The following CDH17 variants were observed in gnomAD, a reference collection of about 807,000 sequenced individuals.
CDH17 encodes cadherin-17.
CDH17 carries 67 observed loss-of-function variants against 86.3 expected under a neutral mutation model. That is an observed-to-expected ratio of 0.78 (90% CI 0.64 to 0.95). The LOEUF (loss-of-function observed/expected upper bound fraction) is 0.95, where lower values mean the gene tolerates loss of function less well. CDH17 is among the 40% of genes least tolerant of loss of function. The pLI, the probability that CDH17 is intolerant of heterozygous loss-of-function variation, is 0.00. For synonymous variants in CDH17, 367 were observed against 366.4 expected, an observed-to-expected ratio of 1.00 and a Z score of -0.02; for missense variants, 993 against 1,017.6, an observed-to-expected ratio of 0.98 and a Z score of 0.33.
chr8:94,158,880 A>T (rs927874271), intron 12 of CDH17, among the ~76,000 whole-genome samples: 18 of 152,158 alleles, frequency 1.2e-4, no homozygotes, highest in African/African-American at 4.1e-4. Context: ...CTGTGAAATT[A>T]TTCTATTTTG....
intron 1 of CDH17, chr8:94,202,413 C>T (rs1314006885): frequency 1.3e-5 from 2 of 152,788 alleles, no homozygotes; most frequent in Non-Finnish European, 1.5e-5. Context: ...TCAAGTGATC[C>T]ACCCACCTTG....
intron 15 of CDH17, among the ~76,000 whole-genome samples, chr8:94,143,768 T>C (rs747328891): frequency 6.6e-6 from 1 of 152,244 alleles, no homozygotes; most frequent in Non-Finnish European, 1.5e-5. Flanking sequence ...TGCAGTTTCC[T>C]CACCTCTGTC....
chr8:94,179,508 G>A (rs937456889), intron 3 of CDH17, among the ~76,000 whole-genome samples: 1 of 152,210 alleles, frequency 6.6e-6, no homozygotes, highest in African/African-American at 2.4e-5. Flanking sequence ...ATCATGAGCA[G>A]GGCTGTGTGC....
chr8:94,196,550 A>C (rs911314035), intron 1 of CDH17, among the ~76,000 whole-genome samples: 2 of 152,232 alleles, frequency 1.3e-5, no homozygotes, highest in African/African-American at 4.8e-5. Flanking sequence ...TACTAAAAAC[A>C]CAAAAATTAG....
chr8:94,188,396 G>A (rs1041401813), intron 3 of CDH17, among the ~76,000 whole-genome samples: 1 of 152,098 alleles, frequency 6.6e-6, no homozygotes, highest in Non-Finnish European at 1.5e-5. Flanking sequence ...TTAATGGAAG[G>A]CACTTGCCTT....
chr8:94,153,487 C>T (rs776120205), intron 12 of CDH17, among the ~76,000 whole-genome samples: 18 of 152,120 alleles, frequency 1.2e-4, no homozygotes, highest in South Asian at 4.1e-4. Flanking sequence ...AACTACCATA[C>T]GATCCAGAAA....
intron 1 of CDH17, among the ~76,000 whole-genome samples, chr8:94,200,537 G>GTTTTT (rs10600702): frequency 3.5e-5 from 2 of 56,910 alleles, no homozygotes; most frequent in African/African-American, 9.3e-5. Flanking sequence ...ATTATCTTTT[G>GTTTTT]TTTTTTTTTT....
intron 1 of CDH17, chr8:94,202,930 G>A (rs539975892): frequency 6.6e-5 from 21 of 318,922 alleles, no homozygotes; most frequent in African/African-American, 4.0e-4. Flanking sequence ...CAGGATTTTG[G>A]GCTTCCCCTT....
chr8:94,212,260 A>G (rs1339146975), upstream of CDH17, among the ~76,000 whole-genome samples: 4 of 152,164 alleles, frequency 2.6e-5, no homozygotes, highest in Non-Finnish European at 2.9e-5. Context: ...GGCTCAAGCC[A>G]TCCTCCCACC....
chr8:94,172,985 A>AT lies in CDH17; in HGVS notation c.783+811dup, dbSNP rs1813298018. 2.6e-5 allele frequency among the ~76,000 whole-genome samples: 4 copies of AT among 152,124 alleles called. No homozygotes were observed. In the South Asian group the frequency reaches 8.3e-4, roughly 32 times the overall value. On this transcript the variant is annotated intron_variant, in intron 7 of 17. Transcript: ENST00000027335. ...AGATGGGCAAGTCTATTGGGTCAAG[A>AT]TTTTTTCCACAATAAGAAGCAGCAG...
intron 15 of CDH17, among the ~76,000 whole-genome samples, chr8:94,145,197 G>C (rs1364486499): frequency 6.6e-5 from 10 of 152,098 alleles, no homozygotes; most frequent in African/African-American, 2.4e-4. Flanking sequence ...CAAAATATTT[G>C]TTCACAAATC....
rs77415900 is a variant in CDH17, at chr8:94,200,850, G to A, written c.-20-6145C>T. ...CTGAAAACAATTTGCTGCATGCACC[G>A]ATAAGACTTGGTGGTGAAAAACTAT... On this transcript the variant is annotated intron_variant, in intron 1 of 17. Transcript: ENST00000027335. Among the ~76,000 whole-genome samples, 1,275 of 152,190 alleles carry A rather than the reference G, an allele frequency of 8.4e-3. 18 individuals are homozygous for A. Among genetic ancestry groups the A allele is most frequent in the African/African-American group, 0.027 (1,123 of 41,516 alleles).
At chr8:94,214,426 T>C (rs769076788) in intron 1 of CDH17, among the ~76,000 whole-genome samples, 1 of 152,204 alleles carries the variant, frequency 6.6e-6, no homozygotes, top group East Asian at 1.9e-4. Context: ...ATACTCTTTT[T>C]AGTAAATTGT....
intron 15 of CDH17, among the ~76,000 whole-genome samples, chr8:94,143,445 A>G (rs1256175194): frequency 1.3e-5 from 2 of 152,226 alleles, no homozygotes; most frequent in African/African-American, 2.4e-5. Context: ...TAGGAATGCT[A>G]AATTAGGGTT....
chr8:94,191,611 C>T (rs1286243718), intron 2 of CDH17, among the ~76,000 whole-genome samples: 4 of 151,998 alleles, frequency 2.6e-5, no homozygotes, highest in African/African-American at 7.3e-5. Flanking sequence ...CCCCACCATG[C>T]CCGACTAATT....
At chr8:94,179,888 A>G (rs1813446124) in intron 3 of CDH17, among the ~76,000 whole-genome samples, 1 of 152,184 alleles carries the variant, frequency 6.6e-6, no homozygotes, top group South Asian at 2.1e-4. Context: ...GCCACATCAC[A>G]TTATTTAAAA....
Position 94,173,591 on chromosome 8 carries a change from A to G in CDH17, c.783+206T>C, listed in dbSNP as rs79103951. On this transcript the variant is annotated intron_variant, in intron 7 of 17. Transcript: ENST00000027335. ...CTTTATAGCAATACAAAAACGGCCTAACATAATATCTGCATCCAAGTTGCC... is the reference window on the plus strand; with the variant it reads ...CTTTATAGCAATACAAAAACGGCCTGACATAATATCTGCATCCAAGTTGCC... 4.5e-4 allele frequency among the ~76,000 whole-genome samples: 68 copies of G among 152,334 alleles called. 1 individual carries two copies. The East Asian group carries it at 0.011, about 25-fold the overall frequency.
rs757836587 is a variant in CDH17, at chr8:94,170,429, GTT to G, written c.1032_1033del (p.Thr345ArgfsTer3). On this transcript the variant is annotated frameshift_variant, in exon 9 of 18. Coordinates refer to ENST00000027335, the MANE Select transcript of CDH17 (RefSeq NM_004063.4). LOFTEE classifies it high-confidence loss of function. ...TTCATTCTCCTGGACCTCAAATACG[GTT>G]ACTGGTGACGGACATGTAGGTGGAT... 2 of 1,613,664 alleles carry G rather than the reference GTT, an allele frequency of 1.2e-6. No homozygotes were observed. Among genetic ancestry groups the G allele is most frequent in the African/African-American group, 2.7e-5 (2 of 74,870 alleles).
At chr8:94,136,645 A>T (rs1041941528) in intron 15 of CDH17, among the ~76,000 whole-genome samples, 1 of 152,156 alleles carries the variant, frequency 6.6e-6, no homozygotes, top group African/African-American at 2.4e-5. Context: ...GCTTCTGTCA[A>T]CTCGTCAAAG....
Sources: allele counts gnomAD v4.1 joint callset (sites outside exome capture counted in the v4.1 genomes callset), GRCh38; gene constraint gnomAD v4.1.1; transcripts MANE v1.5; gene names NCBI Gene and HGNC (gene_info 2026-07-23, HGNC 2026-07-21).